The following PRIM2 variants were observed in gnomAD, a reference collection of about 807,000 sequenced individuals.
PRIM2 encodes DNA primase large subunit.
In PRIM2, 39 loss-of-function variants were observed where a neutral mutation model predicts 67.3. That is an observed-to-expected ratio of 0.58 (90% CI 0.45 to 0.76). PRIM2 has a LOEUF of 0.76. Ranked by LOEUF, PRIM2 falls within the 30% of genes least tolerant of loss-of-function variation. The pLI, the probability that PRIM2 is intolerant of heterozygous loss-of-function variation, is 0.00. For missense variants in PRIM2, 398 were observed against 598.7 expected (o/e 0.66, Z 3.50); for synonymous variants, 143 against 198.7 (o/e 0.72, Z 2.36).
chr6:57,392,092 C>G (rs1264009858), intron 7 of PRIM2, among the ~76,000 whole-genome samples: 3 of 152,070 alleles, frequency 2.0e-5, no homozygotes, highest in Non-Finnish European at 4.4e-5. Flanking sequence ...CTTTCACCTC[C>G]CTGGTTAGCT....
chr6:57,568,337 T>C, intron 10 of PRIM2, among the ~76,000 whole-genome samples: 2 of 152,340 alleles, frequency 1.3e-5, no homozygotes, highest in Middle Eastern at 6.8e-3. Flanking sequence ...CTAAACCTTC[T>C]TTTATTGGTC....
chr6:57,469,240 G>A (rs1383164706), intron 7 of PRIM2, among the ~76,000 whole-genome samples: 2 of 152,240 alleles, frequency 1.3e-5, no homozygotes, highest in Non-Finnish European at 2.9e-5. Flanking sequence ...TTGCTGAGAA[G>A]CACAGTGCCT....
At chr6:57,615,731 A>G (rs1177034461) in intron 12 of PRIM2, among the ~76,000 whole-genome samples, 1 of 152,120 alleles carries the variant, frequency 6.6e-6, no homozygotes, top group African/African-American at 2.4e-5. Flanking sequence ...CCCTGCCTTT[A>G]AAAAAGTAAT....
At chr6:57,525,162 GC>G (rs1333525027) in intron 8 of PRIM2, among the ~76,000 whole-genome samples, 1 of 149,660 alleles carries the variant, frequency 6.7e-6, no homozygotes, top group Non-Finnish European at 1.5e-5. Context: ...TCTCCTTTCT[GC>G]CCCTCCGTCT....
At chr6:57,491,820 T>C (rs1384384611) in intron 7 of PRIM2, among the ~76,000 whole-genome samples, 2 of 152,176 alleles carry the variant, frequency 1.3e-5, no homozygotes, top group African/African-American at 4.8e-5. Context: ...GGTTGCTGGA[T>C]GCCCCCTCAC....
At chr6:57,585,963 C>T (rs1353135561) in intron 10 of PRIM2, among the ~76,000 whole-genome samples, 7 of 152,132 alleles carry the variant, frequency 4.6e-5, no homozygotes, top group South Asian at 2.1e-4. Flanking sequence ...ATGCCCAGTT[C>T]GTGTAGCTGT....
chr6:57,261,334 G>T, the PRIM2 span, among the ~76,000 whole-genome samples: 2 of 152,162 alleles, frequency 1.3e-5, no homozygotes, highest in Non-Finnish European at 2.9e-5. Context: ...CTTGGAGCAA[G>T]AGCTGGGTCC....
At chr6:57,551,769 A>G (rs1267453678) in intron 10 of PRIM2, among the ~76,000 whole-genome samples, 4 of 152,206 alleles carry the variant, frequency 2.6e-5, no homozygotes, top group Admixed American at 2.6e-4. Context: ...GATTACTGCT[A>G]TGAAGAAATT....
At position 57,447,493 on chromosome 6, in the gene PRIM2, G is replaced by A. The variant is rs1772404695; in HGVS notation, c.694-59894G>A. ...GAGCCAAATATGGGTAGTTGGAGAG[G>A]AAAAGGAAGGCAGGCATTCCTGAGA... On this transcript the variant is annotated intron_variant, in intron 7 of 13. Transcript: ENST00000615550. Among the ~76,000 whole-genome samples the A allele has an allele frequency of 2.0e-5, 3 of 152,226 alleles. No homozygotes were observed. The South Asian group carries it at 6.2e-4, about 32-fold the overall frequency.
At chr6:57,373,048 A>T (rs1415786919) in intron 5 of PRIM2, among the ~76,000 whole-genome samples, 1 of 152,238 alleles carries the variant, frequency 6.6e-6, no homozygotes, top group Non-Finnish European at 1.5e-5. Flanking sequence ...ACTGTCTTCC[A>T]CAATGGTTGA....
chr6:57,327,257 T>C (rs931909133), intron 5 of PRIM2, among the ~76,000 whole-genome samples: 21 of 152,136 alleles, frequency 1.4e-4, no homozygotes, highest in African/African-American at 5.1e-4. Flanking sequence ...AGAAACATTA[T>C]GTTTTGGAAG....
chr6:57,393,942 T>C (rs1770441301), intron 7 of PRIM2, among the ~76,000 whole-genome samples: 1 of 151,896 alleles, frequency 6.6e-6, no homozygotes, highest in African/African-American at 2.4e-5. Flanking sequence ...TTTATGTTTT[T>C]GTTTGCTTTG....
At chr6:57,593,396 G>A (rs1304579580) in intron 10 of PRIM2, among the ~76,000 whole-genome samples, 1 of 151,524 alleles carries the variant, frequency 6.6e-6, no homozygotes, top group Admixed American at 6.6e-5. Flanking sequence ...TCTGCCTCCC[G>A]GGTTCAAGTG....
intron 10 of PRIM2, among the ~76,000 whole-genome samples, chr6:57,590,474 A>G (rs1192972774): frequency 1.3e-5 from 2 of 152,208 alleles, no homozygotes; most frequent in Middle Eastern, 3.2e-3. Flanking sequence ...TAGCATGGAC[A>G]AGAGAGCAGG....
chr6:57,516,474 T>C lies in PRIM2; in HGVS notation c.761+9020T>C, dbSNP rs1485894019. Among the ~76,000 whole-genome samples, 14 of 152,298 alleles carry C rather than the reference T, an allele frequency of 9.2e-5. No individual in the cohort carries two copies. In the East Asian group the frequency reaches 2.7e-3, roughly 29 times the overall value. On this transcript the variant is annotated intron_variant, in intron 8 of 13. Coordinates refer to ENST00000615550, the MANE Select transcript of PRIM2 (RefSeq NM_000947.5). ...TAATTTACTTTACTAGTTTAATATA[T>C]CTTAAAGTTGAAAAAAGGTATAAGA...
the PRIM2 span, among the ~76,000 whole-genome samples, chr6:57,246,171 G>C: frequency 1.8e-4 from 27 of 152,228 alleles, no homozygotes; most frequent in East Asian, 5.0e-3. Context: ...AACAAAATGT[G>C]TTATAGAAAC....
intron 10 of PRIM2, among the ~76,000 whole-genome samples, chr6:57,565,436 C>T (rs1172561909): frequency 6.1e-5 from 9 of 148,132 alleles, no homozygotes; most frequent in East Asian, 3.9e-4. Flanking sequence ...GCTGGAGACT[C>T]GGGAAAGCCA....
intron 7 of PRIM2, among the ~76,000 whole-genome samples, chr6:57,392,737 G>A (rs1770395569): frequency 6.6e-6 from 1 of 151,760 alleles, no homozygotes; most frequent in Non-Finnish European, 1.5e-5. Flanking sequence ...ACATGAGTAA[G>A]TTCTTTAGTG....
chr6:57,261,689 C>T, the PRIM2 span, among the ~76,000 whole-genome samples: 2 of 152,120 alleles, frequency 1.3e-5, 1 homozygote. Context: ...CAGGTGGGGG[C>T]ACAGCCAATG....
Sources: gnomAD v4.1 joint callset for allele counts (sites outside exome capture counted in the v4.1 genomes callset) on GRCh38, gnomAD v4.1.1 for gene constraint, MANE v1.5 for transcripts, NCBI Gene and HGNC (gene_info 2026-07-23, HGNC 2026-07-21) for gene names.